Variants in MACROD2 observed in about 807,000 individuals in gnomAD.
The protein encoded by MACROD2 is mono-ADP ribosylhydrolase 2, also known as ADP-ribose glycohydrolase MACROD2.
A neutral mutation model predicts 70.4 loss-of-function variants in MACROD2; 36 were observed. That is an observed-to-expected ratio of 0.51 (90% CI 0.39 to 0.68). The LOEUF is 0.68. Among genes scored for constraint, MACROD2 ranks in the 30% least tolerant of loss-of-function variants. The probability of loss-of-function intolerance (pLI) is 0.00; values close to 1 mark genes in which losing one functional copy is unlikely to be tolerated. For missense variants in MACROD2, 496 were observed against 538.4 expected (o/e 0.92, Z 0.78); for synonymous variants, 172 against 178.8 (o/e 0.96, Z 0.30).
At position 14,093,684 on chromosome 20, in the gene MACROD2, C is replaced by T. The variant is rs183082502; in HGVS notation, c.271+7956C>T. On this transcript the variant is annotated intron_variant, in intron 3 of 17. Transcript: ENST00000684519. ...CTCATTTGACAAAAAAAAAAAACCC[C>T]AAAAATAAACAAAAAAACCCCAGGA... Among the ~76,000 whole-genome samples, 7 of 149,682 alleles carry T rather than the reference C, an allele frequency of 4.7e-5. No homozygotes were observed. The East Asian group carries it at 1.4e-3, about 29-fold the overall frequency.
At chr20:14,686,637 C>T (rs543224861) in intron 5 of MACROD2, among the ~76,000 whole-genome samples, 1 of 152,042 alleles carries the variant, frequency 6.6e-6, no homozygotes, top group Non-Finnish European at 1.5e-5. Flanking sequence ...AGGTTTGTAG[C>T]CTGGGAGCAA....
At chr20:14,016,932 G>T (rs1041793606) in intron 2 of MACROD2, among the ~76,000 whole-genome samples, 1 of 151,896 alleles carries the variant, frequency 6.6e-6, no homozygotes, top group Non-Finnish European at 1.5e-5. Context: ...AGATCATTTT[G>T]GGTAGTGTTG....
intron 5 of MACROD2, among the ~76,000 whole-genome samples, chr20:15,050,368 T>C (rs2075429522): frequency 6.6e-6 from 1 of 152,182 alleles, no homozygotes; most frequent in African/African-American, 2.4e-5. Context: ...TTTATCTCCA[T>C]ACTTTTTTCA....
Position 15,023,396 on chromosome 20 carries a change from C to A in MACROD2, c.419-206544C>A, listed in dbSNP as rs183494135. ...CATATACTCCAGCCCTCACTCTTGG[C>A]TCTTAAATATGTCTTCCCAGAGAGG... On this transcript the variant is annotated intron_variant, in intron 5 of 17. Coordinates refer to ENST00000684519, the MANE Select transcript of MACROD2 (RefSeq NM_001351661.2). Among the ~76,000 whole-genome samples, 728 of 152,296 alleles carry A rather than the reference C, an allele frequency of 4.8e-3. 8 individuals are homozygous for A. The highest frequency in any genetic ancestry group is 0.017 in the African/African-American group (697 of 41,556).
chr20:14,957,173 AACTTGGACC>A (rs2074544737), intron 5 of MACROD2, among the ~76,000 whole-genome samples: 1 of 152,108 alleles, frequency 6.6e-6, no homozygotes, highest in African/African-American at 2.4e-5. Context: ...TGTAAAAAAG[AACTTGGACC>A]ACTTTTAAAT....
intron 3 of MACROD2, among the ~76,000 whole-genome samples, chr20:14,245,648 A>G (rs1434868050): frequency 6.6e-6 from 1 of 152,196 alleles, no homozygotes; most frequent in African/African-American, 2.4e-5. Context: ...AGAATCTGCC[A>G]GCTTCCTTTT....
In MACROD2 at chr20:14,447,976, ATGTGTG is replaced by A. The variant is rs11087090; in HGVS notation, c.272-45477_272-45472del. On this transcript the variant is annotated intron_variant, in intron 3 of 17. Coordinates refer to ENST00000684519, the MANE Select transcript of MACROD2 (RefSeq NM_001351661.2). The stretch of plus-strand genomic sequence containing the variant: ...GAAGAGCACTTGAGAACCCATGAAA[ATGTGTG>A]TGTGTGTGTGTGTGTGTGTGTGTGT... Among the ~76,000 whole-genome samples, 470 of 143,254 alleles carry A rather than the reference ATGTGTG, an allele frequency of 3.3e-3. 4 individuals carry two copies. The highest frequency in any genetic ancestry group is 0.011 in the African/African-American group (431 of 38,770). The allele number at this position is 143,254 out of a possible 152,430, so 94.0% of individuals were successfully genotyped here. A position where few individuals can be genotyped will look rare whatever the true frequency, so the allele number is the denominator to read the frequency against.
chr20:15,922,406 A>G (rs888683584), intron 10 of MACROD2, among the ~76,000 whole-genome samples: 3 of 152,216 alleles, frequency 2.0e-5, no homozygotes, highest in Non-Finnish European at 4.4e-5. Context: ...CAATATGAAA[A>G]TCGTTCCTTA....
intron 10 of MACROD2, among the ~76,000 whole-genome samples, chr20:15,909,505 C>T (rs1421521009): frequency 6.9e-6 from 1 of 145,220 alleles, no homozygotes; most frequent in East Asian, 2.1e-4. Context: ...CACATAAGTA[C>T]ATAATACAAT....
At chr20:16,041,531 A>G (rs1421134464) in intron 16 of MACROD2, among the ~76,000 whole-genome samples, 2 of 152,032 alleles carry the variant, frequency 1.3e-5, no homozygotes, top group Non-Finnish European at 2.9e-5. Flanking sequence ...TGAGGACTCA[A>G]TAGATACTTT....
rs2052956855 is a variant in MACROD2 at position 14,014,264 on chromosome 20, AGTCTTCTTAAT to A, written c.163+11869_163+11879del. 4.1e-5 allele frequency among the ~76,000 whole-genome samples: 5 copies of A among 121,592 alleles called. No individual in the cohort carries two copies. The South Asian group carries it at 1.5e-3, about 36-fold the overall frequency. 79.8% of individuals were successfully genotyped at this position (121,592 alleles called of 152,430 possible). On this transcript the variant is annotated intron_variant, in intron 2 of 17. Coordinates refer to ENST00000684519, the MANE Select transcript of MACROD2 (RefSeq NM_001351661.2). ...CCCCAATAATTTTTGCATAGGAGAG[AGTCTTCTTAAT>A]GTCTTCTTTCAGATGTATTCATTTA... is the stretch of plus-strand genomic sequence containing the variant.
chr20:15,814,142 C>T (rs1039481332), intron 8 of MACROD2, among the ~76,000 whole-genome samples: 1 of 152,146 alleles, frequency 6.6e-6, no homozygotes, highest in Non-Finnish European at 1.5e-5. Context: ...GGTAAAATAA[C>T]ATCACTGCAG....
chr20:14,258,006 T>G (rs983108181), intron 3 of MACROD2, among the ~76,000 whole-genome samples: 3 of 152,218 alleles, frequency 2.0e-5, no homozygotes, highest in Non-Finnish European at 4.4e-5. Flanking sequence ...CATTTTTGAG[T>G]TGCTGCACTT....
chr20:15,355,987 T>G (rs1188648045), intron 6 of MACROD2, among the ~76,000 whole-genome samples: 1 of 152,180 alleles, frequency 6.6e-6, no homozygotes, highest in Non-Finnish European at 1.5e-5. Context: ...CAAGCACTGG[T>G]GTTCTCACCT....
chr20:15,022,041 A>G (rs182162259), intron 5 of MACROD2, among the ~76,000 whole-genome samples: 1 of 152,288 alleles, frequency 6.6e-6, no homozygotes, highest in Non-Finnish European at 1.5e-5. Context: ...TTATGTGCCT[A>G]TACATCTACT....
At chr20:15,028,095 C>T (rs1452691630) in intron 5 of MACROD2, among the ~76,000 whole-genome samples, 6 of 152,200 alleles carry the variant, frequency 3.9e-5, no homozygotes, top group African/African-American at 2.4e-5. Context: ...ACATCCACAT[C>T]CCTAGCAAAA....
chr20:14,171,988 T>C (rs967697778), intron 3 of MACROD2, among the ~76,000 whole-genome samples: 4 of 152,230 alleles, frequency 2.6e-5, no homozygotes, highest in Non-Finnish European at 5.9e-5. Context: ...TTAGGTCTAA[T>C]AGTAATTGTT....
intron 3 of MACROD2, among the ~76,000 whole-genome samples, chr20:14,454,806 G>T (rs1055725078): frequency 7.2e-6 from 1 of 139,186 alleles, no homozygotes; most frequent in Non-Finnish European, 1.5e-5. Context: ...AGGCTGGAGT[G>T]CAGTGGTGAG....
chr20:15,220,813 A>G (rs2145965256), intron 5 of MACROD2, among the ~76,000 whole-genome samples: 1 of 152,360 alleles, frequency 6.6e-6, no homozygotes, highest in East Asian at 1.9e-4. Flanking sequence ...CTGTAGTCAG[A>G]AAAGCACAGA....
Sources: allele counts gnomAD v4.1 joint callset (sites outside exome capture counted in the v4.1 genomes callset), GRCh38; gene constraint gnomAD v4.1.1; transcripts MANE v1.5; gene names NCBI Gene and HGNC (gene_info 2026-07-23, HGNC 2026-07-21).